The following LPP variants were observed in gnomAD, a reference collection of about 807,000 sequenced individuals.
LPP encodes LIM domain containing preferred translocation partner in lipoma.
Under a neutral mutation model 60.4 loss-of-function variants are expected in LPP, and 38 were observed. The observed-to-expected ratio is 0.63, with a 90% CI of 0.49 to 0.83. The LOEUF (loss-of-function observed/expected upper bound fraction) is 0.83, where lower values mean the gene tolerates loss of function less well. Among genes scored for constraint, LPP ranks in the 40% least tolerant of loss-of-function variants. The pLI is 0.00. For missense variants in LPP, 902 were observed against 783.6 expected, an observed-to-expected ratio of 1.15 and a Z score of -1.80; for synonymous variants, 328 against 290.8, an observed-to-expected ratio of 1.13 and a Z score of -1.30.
chr3:188,667,714 C>T lies in LPP; in HGVS notation c.1114-40553C>T, dbSNP rs114797951. On this transcript the variant is annotated intron_variant, in intron 7 of 11. Coordinates refer to ENST00000617246, the MANE Select transcript of LPP (RefSeq NM_001375462.1). ...TTGTTTTTCTTCCTGGGACAGATAC[C>T]ATTTGTGACCTGTTGAGTGAGACTG... is the stretch of plus-strand genomic sequence containing the variant. Among the ~76,000 whole-genome samples the T allele has an allele frequency of 3.4e-3, 507 of 149,716 alleles. 1 individual carries two copies. Among genetic ancestry groups the T allele is most frequent in the Non-Finnish European group, 5.6e-3 (379 of 67,640 alleles).
At chr3:188,582,572 C>T (rs1159310387) in intron 6 of LPP, among the ~76,000 whole-genome samples, 1 of 152,012 alleles carries the variant, frequency 6.6e-6, no homozygotes, top group Admixed American at 6.6e-5. Flanking sequence ...TTAAGAGAGC[C>T]TTTAACTACT....
intron 7 of LPP, among the ~76,000 whole-genome samples, chr3:188,664,072 AC>A (rs1043797747): frequency 6.6e-6 from 1 of 152,188 alleles, no homozygotes; most frequent in African/African-American, 2.4e-5. Flanking sequence ...TAAACCTATT[AC>A]AAACCACATA....
Position 188,628,757 on chromosome 3 carries a change from C to A in LPP, c.1113+18913C>A, listed in dbSNP as rs551635146. Among the ~76,000 whole-genome samples, 199 of 152,222 alleles carry A rather than the reference C, an allele frequency of 1.3e-3. 1 individual carries two copies. Among genetic ancestry groups the A allele is most frequent in the African/African-American group, 4.7e-3 (194 of 41,538 alleles). ...CTCCTCCCTCAATCATTCTATAACG[C>A]CAGCATCATTCTGATACCAAAACCT... On this transcript the variant is annotated intron_variant, in intron 7 of 11. Transcript: ENST00000617246.
chr3:188,636,550 C>G (rs1485790943), intron 7 of LPP, among the ~76,000 whole-genome samples: 3 of 152,158 alleles, frequency 2.0e-5, no homozygotes, highest in African/African-American at 4.8e-5. Flanking sequence ...GGGGGGAGCC[C>G]ACCACAGCTC....
At chr3:188,753,836 T>A (rs545314419) in intron 8 of LPP, among the ~76,000 whole-genome samples, 1 of 152,040 alleles carries the variant, frequency 6.6e-6, no homozygotes, top group African/African-American at 2.4e-5. Context: ...AAACAGACAT[T>A]GGAGCCACCT....
At chr3:188,704,180 T>C (rs1421811927) in intron 7 of LPP, among the ~76,000 whole-genome samples, 5 of 152,166 alleles carry the variant, frequency 3.3e-5, no homozygotes, top group African/African-American at 1.2e-4. Flanking sequence ...TCTCCCTGTA[T>C]TGCAAGCCTG....
At chr3:188,282,285 T>C (rs1484634531) in intron 2 of LPP, among the ~76,000 whole-genome samples, 1 of 152,214 alleles carries the variant, frequency 6.6e-6, no homozygotes, top group Non-Finnish European at 1.5e-5. Flanking sequence ...CTCTGAATTG[T>C]CAGGTTCCTG....
At chr3:188,263,806 C>T (rs552085050) in intron 2 of LPP, among the ~76,000 whole-genome samples, 21 of 152,302 alleles carry the variant, frequency 1.4e-4, no homozygotes, top group African/African-American at 4.1e-4. Context: ...TTGCTGGGAG[C>T]GTCCTCTCAT....
intron 4 of LPP, among the ~76,000 whole-genome samples, chr3:188,474,381 T>TCATTGACAATGCATTGACATG (rs1462987275): frequency 2.0e-5 from 1 of 49,020 alleles, no homozygotes; most frequent in Non-Finnish European, 5.4e-5. Flanking sequence ...CATTGACATG[T>TCATTGACAATGCATTGACATG]CATTGACAAT....
At chr3:188,502,901 A>T (rs1213343111) in intron 5 of LPP, among the ~76,000 whole-genome samples, 1 of 152,118 alleles carries the variant, frequency 6.6e-6, no homozygotes, top group African/African-American at 2.4e-5. Flanking sequence ...GAAAGACAGA[A>T]TAGATGCTTC....
intron 9 of LPP, among the ~76,000 whole-genome samples, chr3:188,796,321 G>C (rs1440992232): frequency 6.6e-6 from 1 of 152,174 alleles, no homozygotes; most frequent in Non-Finnish European, 1.5e-5. Flanking sequence ...TGAGGGAGAA[G>C]CATGATGCAG....
chr3:188,740,400 G>A (rs1724005890), intron 8 of LPP, among the ~76,000 whole-genome samples: 1 of 151,944 alleles, frequency 6.6e-6, no homozygotes, highest in South Asian at 2.1e-4. Flanking sequence ...ACCTATCCAA[G>A]CCCAATATCC....
At chr3:188,839,044 G>T (rs1396683808) in intron 9 of LPP, among the ~76,000 whole-genome samples, 2 of 152,036 alleles carry the variant, frequency 1.3e-5, no homozygotes, top group Non-Finnish European at 2.9e-5. Context: ...AGAAGAAGTT[G>T]AAGTCAGGGT....
chr3:188,190,610 A>T (rs966838509), intron 1 of LPP, among the ~76,000 whole-genome samples: 1 of 152,248 alleles, frequency 6.6e-6, no homozygotes, highest in Non-Finnish European at 1.5e-5. Flanking sequence ...CAAAGTAAAC[A>T]GGTGCATATT....
At chr3:188,368,723 G>T (rs199804126) in intron 3 of LPP, among the ~76,000 whole-genome samples, 1 of 74,480 alleles carries the variant, frequency 1.3e-5, no homozygotes, top group African/African-American at 3.7e-5. Flanking sequence ...CACACACAGA[G>T]AGAGAGAGAG....
chr3:188,390,968 C>G (rs552437113), intron 3 of LPP, among the ~76,000 whole-genome samples: 2 of 152,280 alleles, frequency 1.3e-5, no homozygotes, highest in Admixed American at 1.3e-4. Flanking sequence ...ACTTCGGGGT[C>G]ACAGATTCCT....
intron 2 of LPP, among the ~76,000 whole-genome samples, chr3:188,257,846 G>A (rs1042280419): frequency 1.3e-5 from 2 of 152,192 alleles, no homozygotes; most frequent in African/African-American, 4.8e-5. Flanking sequence ...ACTTACTTAA[G>A]TTCAATTAGA....
intron 9 of LPP, among the ~76,000 whole-genome samples, chr3:188,836,826 G>T (rs1235823679): frequency 1.3e-5 from 2 of 152,136 alleles, no homozygotes; most frequent in African/African-American, 4.8e-5. Flanking sequence ...TGGTTCCCGG[G>T]TTTCATGGTC....
chr3:188,762,380 T>TA (rs1156685663), intron 9 of LPP, among the ~76,000 whole-genome samples: 1 of 152,192 alleles, frequency 6.6e-6, no homozygotes, highest in Admixed American at 6.6e-5. Context: ...ATTCTGGGAT[T>TA]AACTTTAATG....
Sources: allele counts gnomAD v4.1 joint callset (sites outside exome capture counted in the v4.1 genomes callset), GRCh38; gene constraint gnomAD v4.1.1; transcripts MANE v1.5; gene names NCBI Gene and HGNC (gene_info 2026-07-23, HGNC 2026-07-21).